Variants in MLLT3 observed in about 807,000 individuals in gnomAD.
The protein encoded by MLLT3 is protein AF-9.
MLLT3 carries 4 observed loss-of-function variants against 53.2 expected under a neutral mutation model. That is an observed-to-expected ratio of 0.08 (90% CI 0.04 to 0.17). The LOEUF (loss-of-function observed/expected upper bound fraction) is 0.17. Ranked by LOEUF, MLLT3 falls within the 10% of genes least tolerant of loss-of-function variation. MLLT3 has a pLI of 1.00. For missense variants in MLLT3, 569 were observed against 684.0 expected (o/e 0.83, Z 1.87); for synonymous variants, 283 against 230.6 (o/e 1.23, Z -2.06).
chr9:20,478,602 C>A (rs1206660897), intron 2 of MLLT3, among the ~76,000 whole-genome samples: 1 of 152,140 alleles, frequency 6.6e-6, no homozygotes, highest in Non-Finnish European at 1.5e-5. Context: ...TTGCTCTGCA[C>A]ATGATCACTA....
At chr9:20,611,035 A>G (rs1281717260) in intron 2 of MLLT3, among the ~76,000 whole-genome samples, 14 of 152,202 alleles carry the variant, frequency 9.2e-5, no homozygotes, top group Admixed American at 9.2e-4. Context: ...GTGAAATAGA[A>G]GAATGTTTCT....
At chr9:20,595,370 C>G (rs1820235571) in intron 2 of MLLT3, among the ~76,000 whole-genome samples, 1 of 151,352 alleles carries the variant, frequency 6.6e-6, no homozygotes, top group Non-Finnish European at 1.5e-5. Flanking sequence ...GACCCTATCT[C>G]AAAAAACAAT....
chr9:20,553,153 C>T (rs1818968102), intron 2 of MLLT3, among the ~76,000 whole-genome samples: 1 of 152,088 alleles, frequency 6.6e-6, no homozygotes, highest in South Asian at 2.1e-4. Context: ...AAGTTTTATA[C>T]TTTAACCTCA....
chr9:20,464,212 T>G (rs950509368), intron 2 of MLLT3, among the ~76,000 whole-genome samples: 4 of 152,080 alleles, frequency 2.6e-5, no homozygotes, highest in African/African-American at 9.6e-5. Context: ...ATGTGTTAAT[T>G]TATAAAATTA....
chr9:20,471,285 A>G (rs1210000479), intron 2 of MLLT3, among the ~76,000 whole-genome samples: 1 of 152,088 alleles, frequency 6.6e-6, no homozygotes, highest in African/African-American at 2.4e-5. Flanking sequence ...ACTTGTAATA[A>G]TAAGAAAAAT....
At chr9:20,499,024 GA>G (rs1825152956) in intron 2 of MLLT3, among the ~76,000 whole-genome samples, 1 of 152,164 alleles carries the variant, frequency 6.6e-6, no homozygotes, top group Non-Finnish European at 1.5e-5. Context: ...GAAAGCTCTA[GA>G]AAAGAATCCT....
At chr9:20,380,818 G>A (rs1821891761) in intron 5 of MLLT3, among the ~76,000 whole-genome samples, 1 of 151,940 alleles carries the variant, frequency 6.6e-6, no homozygotes, top group Non-Finnish European at 1.5e-5. Flanking sequence ...TTTCTAGCTG[G>A]CTGCTGGAAA....
intron 2 of MLLT3, among the ~76,000 whole-genome samples, chr9:20,576,168 C>T (rs2131169152): frequency 6.6e-6 from 1 of 152,318 alleles, no homozygotes; most frequent in South Asian, 2.1e-4. Flanking sequence ...TATTCTTCTG[C>T]AGTTGCCTCA....
intron 5 of MLLT3, among the ~76,000 whole-genome samples, chr9:20,399,542 G>T (rs1822403747): frequency 6.6e-6 from 1 of 151,896 alleles, no homozygotes; most frequent in South Asian, 2.1e-4. Flanking sequence ...AGGAGGGAGG[G>T]GTTAGTTGGG....
Position 20,621,716 on chromosome 9 carries a change from C to T in MLLT3, c.12+529G>A. The T allele has an allele frequency of 1.4e-6, 2 of 1,475,236 alleles. No individual in the cohort carries two copies. Among genetic ancestry groups the T allele is most frequent in the African/African-American group, 1.5e-5 (1 of 68,048 alleles). The allele number at this position is 1,475,236 out of a possible 1,614,324, so 91.4% of individuals were successfully genotyped here. On this transcript the variant is annotated intron_variant, in intron 1 of 10. Coordinates refer to ENST00000380338, the MANE Select transcript of MLLT3 (RefSeq NM_004529.4). This position sits in a 1 kb window ranked among gnomAD's most constrained non-coding sequence, Gnocchi z 7.0. ...CGCTGGGGCAAAGTTGCGTGCGGCC[C>T]CGCCGCTGTCAGCCCCGCACACTTC...
Position 20,568,723 on chromosome 9 carries a change from TATC to T in MLLT3, c.193+51928_193+51930del, listed in dbSNP as rs1470213609. Among the ~76,000 whole-genome samples the T allele has an allele frequency of 2.6e-5, 4 of 152,272 alleles. 1 individual carries two copies. Among genetic ancestry groups the T allele is most frequent in the South Asian group, 4.1e-4 (2 of 4,826 alleles). Reference sequence around the variant, plus strand: ...GTTAATTTCTTTTCCTGAAGGAAAATATCATCTGTTTAACAAGGTTTATTTCCC... The same window carrying T: ...GTTAATTTCTTTTCCTGAAGGAAAATATCTGTTTAACAAGGTTTATTTCCC... On this transcript the variant is annotated intron_variant, in intron 2 of 10. Transcript: ENST00000380338.
In MLLT3 at chr9:20,460,487, C is replaced by G. The variant is rs547573868; in HGVS notation, c.194-3701G>C. On this transcript the variant is annotated intron_variant, in intron 2 of 10. Coordinates refer to ENST00000380338, the MANE Select transcript of MLLT3 (RefSeq NM_004529.4). ...AAAGCTTTTTTCATCTGTAAATATC[C>G]AGCCCAGATGTTAGCTCTTTCAGAA... 7.2e-5 allele frequency among the ~76,000 whole-genome samples: 11 copies of G among 152,250 alleles called. No individual in the cohort carries two copies. The South Asian group carries it at 1.2e-3, about 17-fold the overall frequency.
At chr9:20,509,884 T>G (rs1238104805) in intron 2 of MLLT3, among the ~76,000 whole-genome samples, 1 of 152,096 alleles carries the variant, frequency 6.6e-6, no homozygotes, top group Non-Finnish European at 1.5e-5. Context: ...TTTTTTTTTT[T>G]TACATCTGAT....
At chr9:20,379,954 G>C (rs556809564) in intron 5 of MLLT3, among the ~76,000 whole-genome samples, 197 of 152,014 alleles carry the variant, frequency 1.3e-3, no homozygotes, top group Non-Finnish European at 2.4e-3. Context: ...GATTCAAGAA[G>C]AATCTCTATT....
In MLLT3 at chr9:20,612,133, A is replaced by G. The variant is rs552845122; in HGVS notation, c.193+8521T>C. ...GCTAATATAAGTGAATTATTACTCA[A>G]TGTTTTAAAAGTAAACATTGACCAC... is the stretch of plus-strand genomic sequence containing the variant. On this transcript the variant is annotated intron_variant, in intron 2 of 10. Coordinates refer to ENST00000380338, the MANE Select transcript of MLLT3 (RefSeq NM_004529.4). Among the ~76,000 whole-genome samples, 7 of 152,272 alleles carry G rather than the reference A, an allele frequency of 4.6e-5. No homozygotes were observed. In the East Asian group the frequency reaches 5.8e-4, roughly 13 times the overall value.
At chr9:20,574,187 C>A (rs1819598420) in intron 2 of MLLT3, among the ~76,000 whole-genome samples, 2 of 152,134 alleles carry the variant, frequency 1.3e-5, no homozygotes, top group African/African-American at 4.8e-5. Context: ...AATGCCCGGA[C>A]TAACTGCAAA....
intron 10 of MLLT3, among the ~76,000 whole-genome samples, chr9:20,351,456 C>G (rs1308737392): frequency 6.6e-6 from 1 of 152,224 alleles, no homozygotes; most frequent in African/African-American, 2.4e-5. Context: ...GTAATCACTT[C>G]TCTTGGTTTG....
At chr9:20,483,382 C>CA (rs1007482093) in intron 2 of MLLT3, among the ~76,000 whole-genome samples, 1 of 151,758 alleles carries the variant, frequency 6.6e-6, no homozygotes, top group Non-Finnish European at 1.5e-5. Context: ...GGACTACAGG[C>CA]ATGCACCATT....
Position 20,621,790 on chromosome 9 carries a change from C to T in MLLT3, c.12+455G>A, listed in dbSNP as rs1262760991. ...GAACGCACCATCGTAGCGGCCGCGG[C>T]GCTTTGCGGAGGTGCGGCCGCCGAG... On this transcript the variant is annotated intron_variant, in intron 1 of 10. Coordinates refer to ENST00000380338, the MANE Select transcript of MLLT3 (RefSeq NM_004529.4). This position sits in a 1 kb window ranked among gnomAD's most constrained non-coding sequence, Gnocchi z 7.0. 1.4e-6 allele frequency: 2 copies of T among 1,470,406 alleles called. No homozygotes were observed. The highest frequency in any genetic ancestry group is 1.5e-5 in the African/African-American group (1 of 67,652). 91.1% of individuals were successfully genotyped at this position (1,470,406 alleles called of 1,614,324 possible).
Sources: allele counts gnomAD v4.1 joint callset (sites outside exome capture counted in the v4.1 genomes callset), GRCh38; gene constraint gnomAD v4.1.1; non-coding constraint Gnocchi (gnomAD v3.1); transcripts MANE v1.5; gene names NCBI Gene and HGNC (gene_info 2026-07-23, HGNC 2026-07-21).